The following CACNA2D3 variants were observed in gnomAD, a reference collection of about 807,000 sequenced individuals.
The protein encoded by CACNA2D3 is calcium voltage-gated channel auxiliary subunit alpha2delta 3, also known as voltage-dependent calcium channel subunit alpha-2/delta-3.
In CACNA2D3, 60 loss-of-function variants were observed where a neutral mutation model predicts 160.6. The ratio of observed to expected loss-of-function variants is 0.37; its 90% CI spans 0.30 to 0.46. The LOEUF is 0.46. Among genes scored for constraint, CACNA2D3 ranks in the 20% least tolerant of loss-of-function variants. The pLI, the probability that CACNA2D3 is intolerant of heterozygous loss-of-function variation, is 1.00. For missense variants in CACNA2D3, 1,205 were observed against 1,365.0 expected, an observed-to-expected ratio of 0.88 and a Z score of 1.85; for synonymous variants, 558 against 492.9, an observed-to-expected ratio of 1.13 and a Z score of -1.75.
At chr3:54,178,223 A>G (rs1158040058) in intron 2 of CACNA2D3, among the ~76,000 whole-genome samples, 3 of 152,224 alleles carry the variant, frequency 2.0e-5, no homozygotes, top group African/African-American at 4.8e-5. Flanking sequence ...TACTCAGAAA[A>G]TAGCCTTTGC....
intron 11 of CACNA2D3, among the ~76,000 whole-genome samples, chr3:54,652,783 C>CTT (rs11428424): frequency 0.15 from 17,882 of 118,176 alleles, 1,910 homozygotes; most frequent in South Asian, 0.26. Flanking sequence ...CCATGGGAGG[C>CTT]TTTTTTTTTT....
chr3:54,675,196 G>A (rs755261443), intron 11 of CACNA2D3, among the ~76,000 whole-genome samples: 6 of 152,176 alleles, frequency 3.9e-5, no homozygotes, highest in Non-Finnish European at 8.8e-5. Context: ...TTGGGAGACA[G>A]GGCCATCACT....
At chr3:54,159,062 C>T (rs1700295366) in intron 2 of CACNA2D3, among the ~76,000 whole-genome samples, 1 of 152,200 alleles carries the variant, frequency 6.6e-6, no homozygotes, top group Non-Finnish European at 1.5e-5. Context: ...GCCTCCCCTC[C>T]AGTTTAAATC....
intron 2 of CACNA2D3, among the ~76,000 whole-genome samples, chr3:54,241,330 C>T (rs1701970261): frequency 6.6e-6 from 1 of 152,152 alleles, no homozygotes; most frequent in Admixed American, 6.5e-5. Context: ...TGTATATAAT[C>T]CTTATAGCCT....
At chr3:54,367,832 C>T (rs1303241648) in intron 3 of CACNA2D3, among the ~76,000 whole-genome samples, 2 of 152,096 alleles carry the variant, frequency 1.3e-5, no homozygotes, top group Non-Finnish European at 2.9e-5. Context: ...CTTTCTTGGC[C>T]CCTGACCAAG....
At chr3:54,564,484 A>G (rs933722176) in intron 6 of CACNA2D3, among the ~76,000 whole-genome samples, 2 of 152,160 alleles carry the variant, frequency 1.3e-5, no homozygotes, top group Admixed American at 1.3e-4. Flanking sequence ...GATAAATGTC[A>G]TGTGGCCACT....
At chr3:54,400,529 A>T (rs151184579) in intron 4 of CACNA2D3, among the ~76,000 whole-genome samples, 1 of 152,150 alleles carries the variant, frequency 6.6e-6, no homozygotes, top group Non-Finnish European at 1.5e-5. Context: ...GAAGAGGAGG[A>T]CATCAAAAGT....
intron 4 of CACNA2D3, among the ~76,000 whole-genome samples, chr3:54,420,480 A>G (rs1559476676): frequency 6.6e-6 from 1 of 152,182 alleles, no homozygotes; most frequent in Non-Finnish European, 1.5e-5. Flanking sequence ...CAGGTCTCAT[A>G]TGCCCCAACT....
chr3:54,167,449 A>G (rs113186048), intron 2 of CACNA2D3, among the ~76,000 whole-genome samples: 1 of 152,246 alleles, frequency 6.6e-6, no homozygotes, highest in African/African-American at 2.4e-5. Flanking sequence ...TGTCATTGCC[A>G]TACACCGCAG....
intron 11 of CACNA2D3, among the ~76,000 whole-genome samples, chr3:54,731,313 A>G (rs1453327127): frequency 1.1e-4 from 16 of 152,182 alleles, no homozygotes; most frequent in Non-Finnish European, 1.8e-4. Flanking sequence ...TACGAAGCAC[A>G]CTACTATTCC....
chr3:54,640,125 C>A (rs1321985454), intron 10 of CACNA2D3, among the ~76,000 whole-genome samples: 1 of 152,158 alleles, frequency 6.6e-6, no homozygotes, highest in African/African-American at 2.4e-5. Flanking sequence ...TGTGATTCTT[C>A]AGTTACTTCA....
intron 11 of CACNA2D3, among the ~76,000 whole-genome samples, chr3:54,742,839 C>G (rs1303794874): frequency 1.3e-5 from 2 of 152,174 alleles, no homozygotes; most frequent in African/African-American, 4.8e-5. Context: ...GGAGGCCTTG[C>G]CTAAGACACC....
intron 3 of CACNA2D3, among the ~76,000 whole-genome samples, chr3:54,343,278 A>T (rs1382994384): frequency 6.6e-6 from 1 of 151,598 alleles, no homozygotes; most frequent in Non-Finnish European, 1.5e-5. Context: ...AGGGCTGGAG[A>T]GTTGGAATTT....
chr3:54,381,802 A>G (rs904962019), intron 3 of CACNA2D3, among the ~76,000 whole-genome samples: 3 of 152,220 alleles, frequency 2.0e-5, no homozygotes, highest in African/African-American at 7.2e-5. Flanking sequence ...TATGGCTTCT[A>G]GCATTGTCTA....
At chr3:54,146,430 C>T (rs960862190) in intron 2 of CACNA2D3, among the ~76,000 whole-genome samples, 8 of 152,302 alleles carry the variant, frequency 5.3e-5, no homozygotes, top group South Asian at 4.1e-4. Flanking sequence ...TTCCCACTGC[C>T]GGGAGAGCAG....
At chr3:54,720,877 A>G (rs187262668) in intron 11 of CACNA2D3, among the ~76,000 whole-genome samples, 2 of 152,264 alleles carry the variant, frequency 1.3e-5, no homozygotes, top group East Asian at 3.9e-4. Flanking sequence ...TGTGCTTTAC[A>G]TGGTTTGAAG....
chr3:54,325,607 CTT>C (rs997647633), intron 3 of CACNA2D3, among the ~76,000 whole-genome samples: 1 of 152,132 alleles, frequency 6.6e-6, no homozygotes, highest in Non-Finnish European at 1.5e-5. Context: ...CCTCCACAAA[CTT>C]TAACAGGTTT....
In CACNA2D3 at chr3:54,887,993, C is replaced by T. The variant is rs377667754; in HGVS notation, c.2091C>T (p.Asp697=). The part of the protein sequence containing the change: ...DKELIQEVLF[D]AVVSAPIEAY... Reference sequence around the variant, plus strand: ...AATTGATCCAAGAAGTCCTTTTTGACGCGGTGGTGAGTGCCCCCATTGAAG... The same window carrying T: ...AATTGATCCAAGAAGTCCTTTTTGATGCGGTGGTGAGTGCCCCCATTGAAG... Residue 697 remains aspartate, a synonymous_variant, in exon 24 of 38, where the codon GAC becomes GAT. Coordinates refer to ENST00000474759, the MANE Select transcript of CACNA2D3 (RefSeq NM_018398.3). 94 of 1,613,852 alleles carry T rather than the reference C, an allele frequency of 5.8e-5. 1 individual carries two copies. Among genetic ancestry groups the T allele is most frequent in the Middle Eastern group, 1.6e-4 (1 of 6,062 alleles).
At chr3:54,559,669 G>A (rs111760845) in intron 5 of CACNA2D3, among the ~76,000 whole-genome samples, 1,681 of 152,208 alleles carry the variant, frequency 0.011, 16 homozygotes, top group Middle Eastern at 0.027. Flanking sequence ...GGGGTTTGTC[G>A]TACAGATTAT....
Sources: allele counts gnomAD v4.1 joint callset (sites outside exome capture counted in the v4.1 genomes callset), GRCh38; gene constraint gnomAD v4.1.1; transcripts MANE v1.5; gene names NCBI Gene and HGNC (gene_info 2026-07-23, HGNC 2026-07-21).